CCDC192: variants seen among roughly 807,000 people sequenced by gnomAD.
The protein encoded by CCDC192 is coiled-coil domain-containing protein 192.
intron 6 of CCDC192, among the ~76,000 whole-genome samples, chr5:127,906,479 C>T (rs532117163): frequency 1.8e-3 from 275 of 152,218 alleles, no homozygotes; most frequent in African/African-American, 6.1e-3. Context: ...TTGTTATGAG[C>T]ACAGGTGTAC....
intron 3 of CCDC192, among the ~76,000 whole-genome samples, chr5:127,788,971 T>C (rs182452132): frequency 2.8e-4 from 42 of 152,348 alleles, no homozygotes; most frequent in Middle Eastern, 3.4e-3. Flanking sequence ...GAGCTCTACT[T>C]TTCTTCATCA....
chr5:127,777,945 C>T (rs1271286409), intron 3 of CCDC192, among the ~76,000 whole-genome samples: 1 of 151,490 alleles, frequency 6.6e-6, no homozygotes, highest in Non-Finnish European at 1.5e-5. Flanking sequence ...TCTTTATTAG[C>T]AGCAGGAAAA....
At chr5:127,786,346 A>G (rs967843802) in intron 3 of CCDC192, 3 of 632,612 alleles carry the variant, frequency 4.7e-6, no homozygotes, top group Non-Finnish European at 8.8e-6. Context: ...AGAAAAAAAA[A>G]AGAGAGAGAT....
chr5:127,829,382 A>ATTAACT (rs5871276), intron 5 of CCDC192, among the ~76,000 whole-genome samples: 115,201 of 151,488 alleles, frequency 0.76, 44,071 homozygotes, highest in East Asian at 0.95. Context: ...TTTTTTGGTA[A>ATTAACT]TTATAAACAT....
At chr5:127,888,170 C>G (rs1752625631) in intron 6 of CCDC192, among the ~76,000 whole-genome samples, 1 of 151,922 alleles carries the variant, frequency 6.6e-6, no homozygotes, top group African/African-American at 2.4e-5. Flanking sequence ...AATCCCAGCA[C>G]GTTGGGAGGC....
intron 5 of CCDC192, among the ~76,000 whole-genome samples, chr5:127,835,987 C>T (rs1302829563): frequency 6.6e-6 from 1 of 152,190 alleles, no homozygotes; most frequent in East Asian, 1.9e-4. Context: ...CTAATTTCAG[C>T]ACTAAGTCAA....
intron 3 of CCDC192, among the ~76,000 whole-genome samples, chr5:127,793,962 T>C (rs1257818897): frequency 6.6e-6 from 1 of 152,192 alleles, no homozygotes; most frequent in Non-Finnish European, 1.5e-5. Context: ...ATAAAGCACT[T>C]TAATAATGTT....
At chr5:127,738,518 C>A (rs551205101) in intron 2 of CCDC192, among the ~76,000 whole-genome samples, 23 of 143,638 alleles carry the variant, frequency 1.6e-4, no homozygotes, top group Non-Finnish European at 2.6e-4. Context: ...TAATATCCTG[C>A]AGAGTGTTTT....
At chr5:127,746,078 T>A (rs950433204) in intron 2 of CCDC192, among the ~76,000 whole-genome samples, 1 of 152,240 alleles carries the variant, frequency 6.6e-6, no homozygotes, top group African/African-American at 2.4e-5. Flanking sequence ...TGCTTTTGTA[T>A]AAGCTCTTTC....
intron 6 of CCDC192, among the ~76,000 whole-genome samples, chr5:127,931,361 G>A (rs1754025550): frequency 6.6e-6 from 1 of 152,164 alleles, no homozygotes; most frequent in African/African-American, 2.4e-5. Context: ...ATTGGAACTG[G>A]CAAGATATTG....
chr5:127,811,902 TAA>T (rs1182262892), intron 5 of CCDC192, among the ~76,000 whole-genome samples: 1 of 152,176 alleles, frequency 6.6e-6, no homozygotes, highest in Admixed American at 6.6e-5. Flanking sequence ...CCTGCCCCAG[TAA>T]ATTGGATGAG....
intron 1 of CCDC192, among the ~76,000 whole-genome samples, chr5:127,706,353 C>T (rs1252973060): frequency 6.6e-6 from 1 of 151,642 alleles, no homozygotes; most frequent in Non-Finnish European, 1.5e-5. Flanking sequence ...ATGGTGAAAC[C>T]CCGTCTCTAC....
chr5:127,780,124 T>C (rs987866975), intron 3 of CCDC192, among the ~76,000 whole-genome samples: 16 of 152,030 alleles, frequency 1.1e-4, no homozygotes, highest in Admixed American at 9.8e-4. Flanking sequence ...TATATATACA[T>C]ACACACACAT....
chr5:127,845,431 G>A (rs928816604), intron 5 of CCDC192, among the ~76,000 whole-genome samples: 6 of 152,190 alleles, frequency 3.9e-5, no homozygotes, highest in African/African-American at 1.2e-4. Flanking sequence ...ATAGTACTGA[G>A]GAGAGAGTTG....
chr5:127,822,138 C>T (rs976767824), intron 5 of CCDC192, among the ~76,000 whole-genome samples: 8 of 152,288 alleles, frequency 5.3e-5, no homozygotes, highest in African/African-American at 1.9e-4. Context: ...GCCTTAGACA[C>T]GTAATCAGAA....
intron 6 of CCDC192, among the ~76,000 whole-genome samples, chr5:127,885,156 G>A (rs370889850): frequency 6.6e-6 from 1 of 152,154 alleles, no homozygotes; most frequent in Non-Finnish European, 1.5e-5. Flanking sequence ...ATCCAGAGAG[G>A]TTGGATGAAG....
chr5:127,908,638 T>C (rs956851697), intron 6 of CCDC192, among the ~76,000 whole-genome samples: 1 of 152,212 alleles, frequency 6.6e-6, no homozygotes, highest in African/African-American at 2.4e-5. Flanking sequence ...ACACTAATAT[T>C]TTGAAATATC....
At chr5:127,774,202 C>T (rs897453653) in intron 3 of CCDC192, among the ~76,000 whole-genome samples, 3 of 152,044 alleles carry the variant, frequency 2.0e-5, no homozygotes, top group Non-Finnish European at 2.9e-5. Flanking sequence ...TCTCACATCT[C>T]GTAAGTTGTC....
At chr5:127,747,466 A>G (rs1747462968) in intron 2 of CCDC192, among the ~76,000 whole-genome samples, 3 of 152,090 alleles carry the variant, frequency 2.0e-5, no homozygotes, top group African/African-American at 4.8e-5. Context: ...ATAGTATTCC[A>G]TGGTGTATAT....
Sources: gnomAD v4.1 joint callset for allele counts (sites outside exome capture counted in the v4.1 genomes callset) on GRCh38, gnomAD v4.1.1 for gene constraint, MANE v1.5 for transcripts, NCBI Gene and HGNC (gene_info 2026-07-23, HGNC 2026-07-21) for gene names.